The following BRINP1 variants were observed in gnomAD, a reference collection of about 807,000 sequenced individuals.
BRINP1 encodes the protein BMP/retinoic acid-inducible neural-specific protein 1.
A neutral mutation model predicts 72.9 loss-of-function variants in BRINP1; 17 were observed. The observed-to-expected ratio is 0.23, with a 90% CI of 0.16 to 0.35. The LOEUF (loss-of-function observed/expected upper bound fraction) is 0.35. BRINP1 is among the 10% of genes least tolerant of loss of function. The probability of loss-of-function intolerance (pLI) is 1.00; values close to 1 mark genes in which losing one functional copy is unlikely to be tolerated. For synonymous variants in BRINP1, 418 were observed against 378.5 expected (o/e 1.10, Z -1.21); for missense variants, 850 against 1,001.6 (o/e 0.85, Z 2.04).
chr9:119,266,379 T>C (rs1830548298), intron 2 of BRINP1, among the ~76,000 whole-genome samples: 2 of 152,338 alleles, frequency 1.3e-5, no homozygotes, highest in Non-Finnish European at 2.9e-5. Context: ...GTTATCATTA[T>C]ATATTGACAA....
chr9:119,221,830 C>T (rs895893655), intron 5 of BRINP1, among the ~76,000 whole-genome samples: 2 of 151,826 alleles, frequency 1.3e-5, no homozygotes, highest in Admixed American at 1.3e-4. Flanking sequence ...AAGCAGGTTG[C>T]TTTGGTAGCA....
At chr9:119,195,659 G>A (rs996434101) in intron 7 of BRINP1, among the ~76,000 whole-genome samples, 3 of 152,216 alleles carry the variant, frequency 2.0e-5, no homozygotes, top group Non-Finnish European at 4.4e-5. Flanking sequence ...CCTTCCTGCT[G>A]TTACTTCTGC....
chr9:119,283,184 T>C (rs1830730047), intron 2 of BRINP1: 1 of 984,836 alleles, frequency 1.0e-6, no homozygotes, highest in African/African-American at 1.7e-5. Context: ...TGAGTGTTTC[T>C]TTAGAATGAA....
chr9:119,306,030 G>A (rs1025905064), intron 2 of BRINP1, among the ~76,000 whole-genome samples: 50 of 152,262 alleles, frequency 3.3e-4, no homozygotes, highest in Admixed American at 8.5e-4. Context: ...CTAATCTACC[G>A]AATCATAACA....
chr9:119,317,451 G>A (rs1442827171), intron 1 of BRINP1, among the ~76,000 whole-genome samples: 1 of 152,204 alleles, frequency 6.6e-6, no homozygotes, highest in South Asian at 2.1e-4. Context: ...CGGATGACGA[G>A]TTGCTCCTTA....
At chr9:119,263,708 C>G (rs537123226) in intron 2 of BRINP1, among the ~76,000 whole-genome samples, 1 of 132,942 alleles carries the variant, frequency 7.5e-6, no homozygotes, top group African/African-American at 2.8e-5. Context: ...CCTGGGTTCA[C>G]GCCATTCTCC....
chr9:119,313,065 T>G (rs1831085152), intron 2 of BRINP1, 73 bp downstream of exon 2: 1 of 1,509,140 alleles, frequency 6.6e-7, no homozygotes, highest in Non-Finnish European at 9.0e-7. Flanking sequence ...CAGCAAGGTT[T>G]GCACCAATCA....
chr9:119,344,956 T>C (rs1831436038), intron 1 of BRINP1, among the ~76,000 whole-genome samples: 1 of 152,232 alleles, frequency 6.6e-6, no homozygotes, highest in Admixed American at 6.5e-5. Flanking sequence ...AGTACTTATT[T>C]CTTCTCTGCA....
At chr9:119,189,992 T>G (rs1829665691) in intron 7 of BRINP1, among the ~76,000 whole-genome samples, 1 of 151,974 alleles carries the variant, frequency 6.6e-6, no homozygotes, top group Admixed American at 6.6e-5. Flanking sequence ...CACAATGGTA[T>G]GAAACTAGAA....
intron 2 of BRINP1, among the ~76,000 whole-genome samples, chr9:119,251,695 G>C (rs962538415): frequency 1.0e-4 from 1 of 9,644 alleles, no homozygotes; most frequent in Non-Finnish European, 3.2e-4. Flanking sequence ...AATAAAATAG[G>C]GGGGAGCATG....
At chr9:119,274,244 A>G (rs1830632900) in intron 2 of BRINP1, among the ~76,000 whole-genome samples, 1 of 152,228 alleles carries the variant, frequency 6.6e-6, no homozygotes, top group Non-Finnish European at 1.5e-5. Flanking sequence ...AGAGAAATAT[A>G]GAGTTCATCA....
At chr9:119,200,647 AAAAGAAAG>A (rs1202135478) in intron 7 of BRINP1, among the ~76,000 whole-genome samples, 1 of 150,970 alleles carries the variant, frequency 6.6e-6, no homozygotes, top group Non-Finnish European at 1.5e-5. Flanking sequence ...AAAAAAAAAA[AAAAGAAAG>A]AAAAGAAAAA....
intron 7 of BRINP1, among the ~76,000 whole-genome samples, chr9:119,170,570 C>T (rs1054464471): frequency 5.3e-5 from 8 of 151,860 alleles, no homozygotes; most frequent in Non-Finnish European, 8.8e-5. Flanking sequence ...GGATATTATC[C>T]AGGAGAACTT....
chr9:119,167,068 G>C lies in BRINP1; in HGVS notation c.*16C>G, dbSNP rs375902348. On this transcript the variant is annotated 3_prime_UTR_variant, in exon 8 of 8. Transcript: ENST00000265922. This position sits in a 1 kb window ranked among gnomAD's most constrained non-coding sequence, Gnocchi z 4.3. ...GTGTACAACAACAGGAAAAGTCCAT[G>C]GCAAGGAGTCCCGGGTTAGCAGAGT... is the stretch of plus-strand genomic sequence containing the variant. 7 of 1,575,852 alleles carry C rather than the reference G, an allele frequency of 4.4e-6. No individual in the cohort carries two copies. The African/African-American group carries it at 9.4e-5, about 21-fold the overall frequency.
At chr9:119,334,544 C>G (rs1367392059) in intron 1 of BRINP1, among the ~76,000 whole-genome samples, 1 of 152,122 alleles carries the variant, frequency 6.6e-6, no homozygotes, top group African/African-American at 2.4e-5. Flanking sequence ...TCAGGTTTAG[C>G]TGACACTTAA....
chr9:119,190,090 A>C (rs1829666830), intron 7 of BRINP1, among the ~76,000 whole-genome samples: 1 of 152,056 alleles, frequency 6.6e-6, no homozygotes. Flanking sequence ...CAAAGAAGAA[A>C]TCAAAAGGGA....
intron 2 of BRINP1, among the ~76,000 whole-genome samples, chr9:119,273,577 A>T (rs528956071): frequency 6.6e-6 from 1 of 152,302 alleles, no homozygotes; most frequent in South Asian, 2.1e-4. Context: ...CAGCTCACTT[A>T]GTCTAATTCA....
intron 2 of BRINP1, among the ~76,000 whole-genome samples, chr9:119,280,013 C>A (rs1192126185): frequency 6.6e-6 from 1 of 151,802 alleles, no homozygotes; most frequent in Non-Finnish European, 1.5e-5. Context: ...ATCATAACAT[C>A]TTTTGTTATA....
At chr9:119,183,921 AGGACGT>A (rs2118841364) in intron 7 of BRINP1, among the ~76,000 whole-genome samples, 1 of 152,262 alleles carries the variant, frequency 6.6e-6, no homozygotes, top group Admixed American at 6.5e-5. Context: ...GTTTGTTGGC[AGGACGT>A]GGAGGGTGGA....
Sources: gnomAD v4.1 joint callset for allele counts (sites outside exome capture counted in the v4.1 genomes callset) on GRCh38, gnomAD v4.1.1 for gene constraint, Gnocchi (gnomAD v3.1) non-coding constraint, MANE v1.5 for transcripts, NCBI Gene and HGNC (gene_info 2026-07-23, HGNC 2026-07-21) for gene names.